Variants in FBXL13 observed in about 807,000 individuals in gnomAD.
FBXL13 encodes the protein F-box and leucine rich repeat protein 13.
FBXL13 carries 67 observed loss-of-function variants against 83.6 expected under a neutral mutation model. The ratio of observed to expected loss-of-function variants is 0.80; its 90% CI spans 0.66 to 0.98. The LOEUF (loss-of-function observed/expected upper bound fraction) is 0.98. Among genes scored for constraint, FBXL13 ranks in the 50% least tolerant of loss-of-function variants. FBXL13 has a pLI of 0.00. For missense variants in FBXL13, 822 were observed against 866.5 expected, an observed-to-expected ratio of 0.95 and a Z score of 0.64; for synonymous variants, 272 against 299.5, an observed-to-expected ratio of 0.91 and a Z score of 0.95.
chr7:102,889,992 C>G (rs1393722826), intron 11 of FBXL13, among the ~76,000 whole-genome samples: 1 of 151,176 alleles, frequency 6.6e-6, no homozygotes, highest in Non-Finnish European at 1.5e-5. Context: ...AGATTAGTAT[C>G]CAGAAAGTGG....
chr7:103,044,914 T>TGTGAGTAAGACGA (rs1796116328), intron 2 of FBXL13, among the ~76,000 whole-genome samples: 1 of 152,244 alleles, frequency 6.6e-6, no homozygotes, highest in South Asian at 2.1e-4. Flanking sequence ...CACAGTTTCC[T>TGTGAGTAAGACGA]GTATTCACTC....
chr7:102,824,824 A>G (rs1184818391), intron 18 of FBXL13, among the ~76,000 whole-genome samples: 10 of 125,980 alleles, frequency 7.9e-5, no homozygotes, highest in African/African-American at 2.8e-4. Flanking sequence ...GGGTTTCACC[A>G]TGTTTCCCAG....
rs117416570 is a variant in FBXL13, at chr7:102,892,300, A to G, written c.1009-7988T>C. On this transcript the variant is annotated intron_variant, in intron 11 of 19. Coordinates refer to ENST00000313221, the Ensembl canonical transcript of FBXL13. ...ACATCCTTATACATTTTGCCTACAA[A>G]GAGATTATATTAAGCTGTGGATGTT... 2.9e-3 allele frequency among the ~76,000 whole-genome samples: 444 copies of G among 152,324 alleles called. 3 individuals are homozygous for G. The highest frequency in any genetic ancestry group is 5.4e-3 in the South Asian group (26 of 4,828).
intron 16 of FBXL13, among the ~76,000 whole-genome samples, chr7:102,869,135 T>C (rs1563019297): frequency 6.6e-6 from 1 of 152,250 alleles, no homozygotes; most frequent in Non-Finnish European, 1.5e-5. Context: ...CATCCTCGCC[T>C]GCATTTGTTA....
intron 6 of FBXL13, among the ~76,000 whole-genome samples, chr7:103,016,540 G>A (rs962056553): frequency 5.3e-5 from 8 of 152,064 alleles, no homozygotes; most frequent in South Asian, 2.1e-4. Flanking sequence ...GGTCTCACCC[G>A]GGAAGCATAA....
intron 18 of FBXL13, among the ~76,000 whole-genome samples, chr7:102,823,147 T>A (rs1799052711): frequency 6.6e-6 from 1 of 152,086 alleles, no homozygotes; most frequent in South Asian, 2.1e-4. Flanking sequence ...GATGGAAAAC[T>A]TCATCAAAAT....
chr7:102,913,443 A>G (rs1350729247), intron 10 of FBXL13, among the ~76,000 whole-genome samples: 1 of 152,246 alleles, frequency 6.6e-6, no homozygotes, highest in Non-Finnish European at 1.5e-5. Flanking sequence ...AAGTGAAAGT[A>G]TTAATAGTTC....
intron 2 of FBXL13, chr7:103,031,208 T>C (rs1007389770): frequency 1.3e-5 from 2 of 152,302 alleles, no homozygotes; most frequent in African/African-American, 2.4e-5. Context: ...ACTGGGCACA[T>C]GTCTGGACCA....
chr7:102,885,584 A>G (rs939873418), intron 11 of FBXL13, among the ~76,000 whole-genome samples: 2 of 152,196 alleles, frequency 1.3e-5, no homozygotes, highest in East Asian at 3.9e-4. Context: ...TCATTTTTTA[A>G]AATCATGTAC....
intron 11 of FBXL13, among the ~76,000 whole-genome samples, chr7:102,887,166 C>T (rs752361478): frequency 6.6e-6 from 1 of 152,102 alleles, no homozygotes; most frequent in Non-Finnish European, 1.5e-5. Context: ...CCTTGCTATA[C>T]AAAATGTGGT....
Position 102,822,204 on chromosome 7 carries a change from C to G in FBXL13, c.1855-1G>C. ...ACATCTCCATTGCTGAGTCAGTAAT[C>G]TGAACACAGAGCCAAAGTAAGTACT... On this transcript the variant is annotated splice_acceptor_variant, in intron 18 of 19. Coordinates refer to ENST00000313221, the Ensembl canonical transcript of FBXL13. LOFTEE classifies it high-confidence loss of function. The G allele has an allele frequency of 6.2e-7, 1 of 1,613,962 alleles. No individual in the cohort carries two copies. The highest frequency in any genetic ancestry group is 2.2e-5 in the East Asian group (1 of 44,874).
intron 2 of FBXL13, chr7:103,030,265 T>G (rs1794365894): frequency 6.6e-6 from 1 of 152,166 alleles, no homozygotes; most frequent in South Asian, 2.1e-4. Flanking sequence ...GGCATACACA[T>G]GTTCATCATA....
chr7:103,022,363 G>A (rs1031286944), intron 6 of FBXL13, among the ~76,000 whole-genome samples: 4 of 151,930 alleles, frequency 2.6e-5, no homozygotes, highest in African/African-American at 9.7e-5. Context: ...ATAGCATTAG[G>A]AGATATACCT....
intron 2 of FBXL13, chr7:103,049,985 C>A (rs1274769823): frequency 6.6e-6 from 1 of 152,188 alleles, no homozygotes; most frequent in East Asian, 1.9e-4. Flanking sequence ...GAAAGCATAG[C>A]CACGTGGCTA....
At chr7:102,916,781 CTG>C (rs1815955253) in intron 10 of FBXL13, among the ~76,000 whole-genome samples, 1 of 139,186 alleles carries the variant, frequency 7.2e-6, no homozygotes, top group Non-Finnish European at 1.5e-5. Context: ...TATTTGATAA[CTG>C]TTTCTTATGG....
chr7:103,054,346 C>T (rs912301878), intron 2 of FBXL13, among the ~76,000 whole-genome samples: 9 of 149,546 alleles, frequency 6.0e-5, no homozygotes, highest in Non-Finnish European at 1.0e-4. Flanking sequence ...GCCAAGATCG[C>T]GCCATTGCAC....
intron 16 of FBXL13, among the ~76,000 whole-genome samples, chr7:102,868,293 A>G (rs1808038307): frequency 1.3e-5 from 2 of 151,710 alleles, no homozygotes; most frequent in Admixed American, 1.3e-4. Flanking sequence ...CTATTGACCA[A>G]CCTCTCCTCA....
chr7:102,843,801 T>A (rs1305893812), intron 17 of FBXL13, among the ~76,000 whole-genome samples: 1 of 151,960 alleles, frequency 6.6e-6, no homozygotes, highest in African/African-American at 2.4e-5. Context: ...ATAATAAAAA[T>A]TTAAAAATCC....
chr7:103,026,001 A>G (rs1432687684), intron 5 of FBXL13, among the ~76,000 whole-genome samples: 1 of 150,680 alleles, frequency 6.6e-6, no homozygotes, highest in Non-Finnish European at 1.5e-5. Context: ...TATATAATAT[A>G]CATATATCTT....
Sources: allele counts gnomAD v4.1 joint callset (sites outside exome capture counted in the v4.1 genomes callset), GRCh38; gene constraint gnomAD v4.1.1; transcripts MANE v1.5; gene names NCBI Gene and HGNC (gene_info 2026-07-23, HGNC 2026-07-21).